Variants in ITGBL1 observed in about 807,000 individuals in gnomAD.
ITGBL1 encodes the protein integrin beta-like protein 1.
ITGBL1 carries 51 observed loss-of-function variants against 68.5 expected under a neutral mutation model. That is an observed-to-expected ratio of 0.74 (90% CI 0.59 to 0.94). ITGBL1 has a LOEUF of 0.94. Among genes scored for constraint, ITGBL1 ranks in the 40% least tolerant of loss-of-function variants. The pLI is 0.00. For missense variants in ITGBL1, 649 were observed against 647.4 expected (o/e 1.00, Z -0.03); for synonymous variants, 209 against 227.3 (o/e 0.92, Z 0.72).
intron 3 of ITGBL1, among the ~76,000 whole-genome samples, chr13:101,574,000 CT>C (rs1566737846): frequency 1.3e-5 from 2 of 152,122 alleles, no homozygotes; most frequent in Non-Finnish European, 2.9e-5. Context: ...ATATAACAGC[CT>C]TTTAACTCAT....
intron 7 of ITGBL1, among the ~76,000 whole-genome samples, chr13:101,660,266 G>A (rs2033048592): frequency 6.6e-6 from 1 of 152,118 alleles, no homozygotes; most frequent in South Asian, 2.1e-4. Flanking sequence ...TGGTGGATAG[G>A]GGCCCAGGGA....
intron 7 of ITGBL1, among the ~76,000 whole-genome samples, chr13:101,668,901 T>A (rs937761648): frequency 7.2e-5 from 11 of 152,272 alleles, no homozygotes; most frequent in African/African-American, 2.6e-4. Context: ...AATTATATCA[T>A]GTTTCACATT....
At chr13:101,680,240 T>C (rs868574074) in intron 7 of ITGBL1, among the ~76,000 whole-genome samples, 10 of 152,328 alleles carry the variant, frequency 6.6e-5, no homozygotes, top group Non-Finnish European at 1.0e-4. Context: ...GCAAGGGAAC[T>C]TAGGATGCAT....
At chr13:101,489,297 A>T (rs903062665) in intron 2 of ITGBL1, among the ~76,000 whole-genome samples, 3 of 152,222 alleles carry the variant, frequency 2.0e-5, no homozygotes, top group Admixed American at 6.5e-5. Flanking sequence ...TAGATGGATA[A>T]ACACATGGTA....
intron 2 of ITGBL1, among the ~76,000 whole-genome samples, chr13:101,465,014 G>A (rs1406329381): frequency 6.6e-6 from 1 of 152,146 alleles, no homozygotes; most frequent in African/African-American, 2.4e-5. Context: ...TGAATGCCAT[G>A]AAAACAATGA....
intron 7 of ITGBL1, among the ~76,000 whole-genome samples, chr13:101,636,646 G>A (rs1012771885): frequency 3.3e-5 from 5 of 152,134 alleles, no homozygotes; most frequent in Non-Finnish European, 5.9e-5. Flanking sequence ...AGGATTAATA[G>A]CATTGAACTA....
At chr13:101,605,158 GTA>G in intron 7 of ITGBL1, among the ~76,000 whole-genome samples, 1 of 69,466 alleles carries the variant, frequency 1.4e-5, no homozygotes, top group South Asian at 4.5e-4. Flanking sequence ...ATATGTGTGT[GTA>G]TATGCGTATA....
intron 2 of ITGBL1, among the ~76,000 whole-genome samples, chr13:101,498,094 A>G (rs377145645): frequency 1.3e-5 from 2 of 152,078 alleles, no homozygotes; most frequent in Non-Finnish European, 2.9e-5. Context: ...ACATCTTAAT[A>G]TATCTGACCC....
rs200974535 is a variant in ITGBL1 at position 101,535,510 on chromosome 13, CCAGA to C, written c.317-32185_317-32182del. On this transcript the variant is annotated intron_variant, in intron 2 of 10. Coordinates refer to ENST00000376180, the MANE Select transcript of ITGBL1 (RefSeq NM_004791.3). Reference sequence around the variant, plus strand: ...CTTTGAATCCCTATTAAATTCATGACCAGACAGTTTTCTAAAATTCCTCTGACTT... The same window carrying C: ...CTTTGAATCCCTATTAAATTCATGACCAGTTTTCTAAAATTCCTCTGACTT... Among the ~76,000 whole-genome samples the C allele has an allele frequency of 7.2e-5, 11 of 152,200 alleles. No homozygotes were observed. In the East Asian group the frequency reaches 1.4e-3, roughly 19 times the overall value.
At chr13:101,514,610 G>T (rs535650457) in intron 2 of ITGBL1, among the ~76,000 whole-genome samples, 4 of 151,858 alleles carry the variant, frequency 2.6e-5, no homozygotes, top group Non-Finnish European at 5.9e-5. Flanking sequence ...ATTAATAACC[G>T]TATCTGTTAA....
At chr13:101,646,404 A>G (rs1409607615) in intron 7 of ITGBL1, among the ~76,000 whole-genome samples, 1 of 152,212 alleles carries the variant, frequency 6.6e-6, no homozygotes, top group Non-Finnish European at 1.5e-5. Flanking sequence ...AACCTTAAGA[A>G]ATAACTTACC....
chr13:101,595,515 A>G (rs1425689178), intron 6 of ITGBL1, among the ~76,000 whole-genome samples: 1 of 152,172 alleles, frequency 6.6e-6, no homozygotes, highest in East Asian at 1.9e-4. Flanking sequence ...AAAAAATCAA[A>G]CAACCAGATT....
At chr13:101,719,525 A>AATT (rs572381306), downstream of ITGBL1, 49 of 152,248 alleles carry the variant, frequency 3.2e-4, no homozygotes, top group African/African-American at 1.2e-3. Flanking sequence ...TGTCTTCTCT[A>AATT]ATTTTTCCAA....
intron 6 of ITGBL1, among the ~76,000 whole-genome samples, chr13:101,584,280 G>T (rs2050513747): frequency 6.6e-6 from 1 of 152,256 alleles, no homozygotes; most frequent in Non-Finnish European, 1.5e-5. Flanking sequence ...AATAAAATAT[G>T]TAAGTCCAGG....
intron 2 of ITGBL1, among the ~76,000 whole-genome samples, chr13:101,466,491 C>T (rs185193016): frequency 7.2e-5 from 11 of 152,298 alleles, no homozygotes; most frequent in Admixed American, 7.2e-4. Context: ...GCCATTAAGA[C>T]ATTCTAGAAT....
intron 7 of ITGBL1, among the ~76,000 whole-genome samples, chr13:101,604,887 T>TATATATGTATATATATATATACACACAC: frequency 1.8e-4 from 4 of 22,166 alleles, no homozygotes; most frequent in African/African-American, 4.5e-4. Flanking sequence ...TATATATATA[T>TATATATGTATATATATATATACACACAC]ACACACACAC....
chr13:101,452,751 G>A lies in ITGBL1; in HGVS notation c.-83G>A. 9.3e-7 allele frequency: 1 copy of A among 1,072,978 alleles called. No homozygotes were observed. Among genetic ancestry groups the A allele is most frequent in the Non-Finnish European group, 1.4e-6 (1 of 691,796 alleles). 66.5% of individuals were successfully genotyped at this position (1,072,978 alleles called of 1,614,324 possible). A position where few individuals can be genotyped will look rare whatever the true frequency, so the allele number is the denominator to read the frequency against. ...TCCGTCTGCCCAGCCATCTGCTGGT[G>A]GCACCTCTCCCTCCTGCCGCCTCCC... On this transcript the variant is annotated 5_prime_UTR_variant, in exon 1 of 11. Transcript: ENST00000376180.
intron 7 of ITGBL1, among the ~76,000 whole-genome samples, chr13:101,689,590 G>A (rs990994782): frequency 6.6e-6 from 1 of 151,876 alleles, no homozygotes; most frequent in Non-Finnish European, 1.5e-5. Context: ...GAGTGACAGA[G>A]CAAGACTCTG....
intron 7 of ITGBL1, among the ~76,000 whole-genome samples, chr13:101,684,418 G>A (rs1251339380): frequency 2.6e-5 from 4 of 151,762 alleles, no homozygotes; most frequent in Admixed American, 6.6e-5. Context: ...TAGTTACATC[G>A]AATCTATAGA....
Sources: gnomAD v4.1 joint callset for allele counts (sites outside exome capture counted in the v4.1 genomes callset) on GRCh38, gnomAD v4.1.1 for gene constraint, MANE v1.5 for transcripts, NCBI Gene and HGNC (gene_info 2026-07-23, HGNC 2026-07-21) for gene names.